GREB1: variants seen among roughly 807,000 people sequenced by gnomAD.
GREB1 encodes the protein growth regulating estrogen receptor binding 1, also known as protein GREB1.
Under a neutral mutation model 200.7 loss-of-function variants are expected in GREB1, and 106 were observed. The observed-to-expected ratio is 0.53, with a 90% CI of 0.45 to 0.62. GREB1 has a LOEUF of 0.62. Among genes scored for constraint, GREB1 ranks in the 20% least tolerant of loss-of-function variants. The pLI is 0.00. For missense variants in GREB1, 2,243 were observed against 2,556.8 expected, an observed-to-expected ratio of 0.88 and a Z score of 2.65; for synonymous variants, 1,132 against 1,092.4, an observed-to-expected ratio of 1.04 and a Z score of -0.72.
intron 21 of GREB1, among the ~76,000 whole-genome samples, chr2:11,617,693 G>A (rs542968130): frequency 2.0e-5 from 3 of 152,300 alleles, no homozygotes; most frequent in African/African-American, 4.8e-5. Flanking sequence ...GTGCGGGGAC[G>A]GGTGTGTGCG....
At chr2:11,630,318 A>G (rs1007076202) in intron 26 of GREB1, among the ~76,000 whole-genome samples, 4 of 152,232 alleles carry the variant, frequency 2.6e-5, no homozygotes, top group Admixed American at 6.5e-5. Context: ...TTACTTGAAC[A>G]TGTCACTTAA....
chr2:11,599,161 C>G (rs772623826), intron 15 of GREB1, among the ~76,000 whole-genome samples: 34 of 152,020 alleles, frequency 2.2e-4, no homozygotes, highest in African/African-American at 8.2e-4. Flanking sequence ...GCTGAGACCC[C>G]GAATCACAGC....
intron 18 of GREB1, 49 bp downstream of exon 18, chr2:11,611,076 G>T: frequency 1.4e-6 from 2 of 1,422,010 alleles, no homozygotes; most frequent in South Asian, 1.4e-5. Flanking sequence ...GTACCTGGGA[G>T]AGCTGAGGGG....
At chr2:11,565,317 C>T (rs745318828) in intron 3 of GREB1, among the ~76,000 whole-genome samples, 17 of 152,266 alleles carry the variant, frequency 1.1e-4, no homozygotes, top group Admixed American at 7.8e-4. Flanking sequence ...TGCCTGCCAG[C>T]GTCTCCCCCA....
At position 11,638,875 on chromosome 2, in the gene GREB1, AG is replaced by A. The variant is rs1026246103; in HGVS notation, c.5686+70del. On this transcript the variant is annotated intron_variant, in intron 32 of 32. Coordinates refer to ENST00000381486, the MANE Select transcript of GREB1 (RefSeq NM_014668.4). ...GCTGTAGTCACCGGGTACCCTGAGGAGGGGACCTTTGGTCCTAGTCCTTATT... is the reference window on the plus strand; with the variant it reads ...GCTGTAGTCACCGGGTACCCTGAGGAGGGACCTTTGGTCCTAGTCCTTATT... The A allele has an allele frequency of 2.7e-5, 41 of 1,542,760 alleles. No homozygotes were observed. In the African/African-American group the frequency reaches 4.7e-4, roughly 18 times the overall value.
Position 11,616,721 on chromosome 2 carries a change from G to A in GREB1, c.3412+1G>A, listed in dbSNP as rs1683440156. On this transcript the variant is annotated splice_donor_variant, in intron 21 of 32. Transcript: ENST00000381486. LOFTEE classifies it high-confidence loss of function. ...TCATCCCTCTCCTCCAAGGCTTCCG[G>A]TGAGTCTTCCCACACGGGAAGGACC... 1 of 1,598,004 alleles carries A rather than the reference G, an allele frequency of 6.3e-7. No individual in the cohort carries two copies.
chr2:11,491,569 A>G (rs768720985), intron 1 of GREB1, among the ~76,000 whole-genome samples: 40 of 152,250 alleles, frequency 2.6e-4, no homozygotes, highest in Non-Finnish European at 5.3e-4. Flanking sequence ...TTTTGTCTCT[A>G]GCTGAGACTT....
Position 11,492,438 on chromosome 2 carries a change from C to T in GREB1, c.-159+10057C>T, listed in dbSNP as rs1420480520. ...GTACAGAATTTCCGCAAAAGGAGGA[C>T]GATAAATTGGGAGCTCAGCTGTGTT... On this transcript the variant is annotated intron_variant, in intron 1 of 2. Coordinates refer to the GREB1 transcript ENST00000628795. This position sits in a 1 kb window ranked among gnomAD's most constrained non-coding sequence, Gnocchi z 4.0. 3.3e-5 allele frequency among the ~76,000 whole-genome samples: 5 copies of T among 152,288 alleles called. No homozygotes were observed. The highest frequency in any genetic ancestry group is 9.6e-5 in the African/African-American group (4 of 41,568).
In GREB1 at chr2:11,578,277, T is replaced by A. The variant is rs1302972515; in HGVS notation, c.638-20T>A. 4 of 1,606,356 alleles carry A rather than the reference T, an allele frequency of 2.5e-6. No homozygotes were observed. In the African/African-American group the frequency reaches 4.0e-5, roughly 16 times the overall value. ...GGAGAAGAGCGAGTTGGTTTTCACGTGTGCACCTTGCCCCCTTAGAGTTTA... is the reference window on the plus strand; with the variant it reads ...GGAGAAGAGCGAGTTGGTTTTCACGAGTGCACCTTGCCCCCTTAGAGTTTA... On this transcript the variant is annotated intron_variant, in intron 5 of 32. Coordinates refer to ENST00000381486, the MANE Select transcript of GREB1 (RefSeq NM_014668.4).
chr2:11,500,149 T>C (rs868210413), intron 1 of GREB1, among the ~76,000 whole-genome samples: 5 of 152,156 alleles, frequency 3.3e-5, no homozygotes, highest in South Asian at 4.2e-4. Context: ...GCCTGGCTAG[T>C]TTTTTAAAAC....
chr2:11,615,953 A>G (rs767550127), intron 20 of GREB1, among the ~76,000 whole-genome samples: 2 of 151,856 alleles, frequency 1.3e-5, no homozygotes, highest in Non-Finnish European at 2.9e-5. Context: ...TGACTGTGGG[A>G]CCTCTCTTAG....
At chr2:11,509,312 C>A (rs916141565) in intron 1 of GREB1, among the ~76,000 whole-genome samples, 1 of 152,006 alleles carries the variant, frequency 6.6e-6, no homozygotes, top group Non-Finnish European at 1.5e-5. Context: ...TTATGAGCCC[C>A]CATATATATA....
chr2:11,604,307 G>A (rs1291696257), intron 17 of GREB1, among the ~76,000 whole-genome samples: 1 of 152,182 alleles, frequency 6.6e-6, no homozygotes, highest in Non-Finnish European at 1.5e-5. Flanking sequence ...CCAGCTGTGA[G>A]ACTTTGAGAA....
intron 23 of GREB1, among the ~76,000 whole-genome samples, chr2:11,621,413 C>A (rs1049362034): frequency 6.6e-6 from 1 of 152,282 alleles, no homozygotes; most frequent in East Asian, 1.9e-4. Context: ...GCAGACTTAC[C>A]CCTCAGGAGA....
At chr2:11,531,666 G>A (rs2148491471), upstream of GREB1, among the ~76,000 whole-genome samples, 1 of 152,120 alleles carries the variant, frequency 6.6e-6, no homozygotes, top group Non-Finnish European at 1.5e-5. Flanking sequence ...GGCATCTCGG[G>A]TTCAAGCGAT....
At chr2:11,611,152 C>T in intron 18 of GREB1, 125 bp downstream of exon 18, 1 of 748,494 alleles carries the variant, frequency 1.3e-6, no homozygotes, top group African/African-American at 1.8e-5. Flanking sequence ...TAGACCCAGC[C>T]ACCCCTCAGC....
chr2:11,622,238 G>C (rs188017458), intron 23 of GREB1, among the ~76,000 whole-genome samples: 1 of 152,054 alleles, frequency 6.6e-6, no homozygotes, highest in African/African-American at 2.4e-5. Context: ...GTGCCACCAC[G>C]CCTGGCTAAT....
Position 11,610,846 on chromosome 2 carries a change from G to T in GREB1, c.2825G>T (p.Cys942Phe), listed in dbSNP as rs1225903437. Reference protein sequence around the residue: ...TQNLLNSPKQCPCGHGLMVLL... With the variant: ...TQNLLNSPKQFPCGHGLMVLL... ...AACCTCCTCAACTCCCCGAAGCAGT[G>T]CCCCTGCGGCCACGGGCTCATGGTC... Residue 942 changes from cysteine (C) to phenylalanine (F), a missense_variant, in exon 18 of 33, where the codon TGC (cysteine) becomes TTC (phenylalanine). This residue lies in a region of GREB1 where 1,178 missense variants were observed against 1,387.4 expected (regional missense o/e 0.85). Transcript: ENST00000381486. The T allele has an allele frequency of 3.1e-6, 5 of 1,613,396 alleles. No individual in the cohort carries two copies. In the Admixed American group the frequency reaches 6.7e-5, roughly 22 times the overall value.
intron 2 of GREB1, 68 bp from the exon 3 acceptor site, chr2:11,562,395 A>T (rs545016940): frequency 6.3e-7 from 1 of 1,587,606 alleles, no homozygotes; most frequent in African/African-American, 1.4e-5. Context: ...GGCAGAGGAA[A>T]GGCCCTGGGG....
Sources: gnomAD v4.1 joint callset for allele counts (sites outside exome capture counted in the v4.1 genomes callset) on GRCh38, gnomAD v4.1.1 for gene constraint, gnomAD v4.1.1 regional missense constraint, Gnocchi (gnomAD v3.1) non-coding constraint, MANE v1.5 for transcripts, NCBI Gene and HGNC (gene_info 2026-07-23, HGNC 2026-07-21) for gene names.